The following STAG2 variants were observed in gnomAD, a reference collection of about 807,000 sequenced individuals.
The protein encoded by STAG2 is STAG2 cohesin complex component.
A neutral mutation model predicts 108.1 loss-of-function variants in STAG2; 14 were observed. That is an observed-to-expected ratio of 0.13 (90% CI 0.09 to 0.20). The LOEUF is 0.20. Among genes scored for constraint, STAG2 ranks in the 10% least tolerant of loss-of-function variants. The pLI, the probability that STAG2 is intolerant of heterozygous loss-of-function variation, is 1.00. For missense variants in STAG2, 440 were observed against 940.9 expected (o/e 0.47, Z 6.96); for synonymous variants, 307 against 302.7 (o/e 1.01, Z -0.15).
chrX:124,090,914 G>A lies in STAG2; in HGVS notation c.3528G>A (p.Glu1176=), dbSNP rs1356742526. ...RQQEEARQQQ[E]RAAMSYVKLR... ...AAGAGGAAGCAAGGCAACAGCAGGA[G>A]AGAGCAGCAATGAGCTATGTTAAAC... is the stretch of plus-strand genomic sequence containing the variant. The change falls in exon 32 of 35, where the codon GAG becomes GAA. Residue 1176 remains glutamate, a synonymous_variant. Coordinates refer to ENST00000371145, the MANE Select transcript of STAG2 (RefSeq NM_001042750.2). 1 of 1,209,803 alleles carries A rather than the reference G, an allele frequency of 8.3e-7. No homozygotes were observed. Among genetic ancestry groups the A allele is most frequent in the Non-Finnish European group, 1.1e-6 (1 of 895,004 alleles).
intron 5 of STAG2, 93 bp from the exon 6 acceptor site, chrX:124,037,434 A>G (rs2057553356): frequency 9.8e-6 from 4 of 408,683 alleles, no homozygotes; most frequent in Admixed American, 4.0e-5. Flanking sequence ...ATGTGATACT[A>G]TATAATCTTG....
intron 27 of STAG2, among the ~76,000 whole-genome samples, chrX:124,080,904 CTT>C (rs1252320411): frequency 8.9e-6 from 1 of 111,899 alleles, no homozygotes; most frequent in African/African-American, 3.3e-5. Context: ...AGCACTAAAA[CTT>C]TTTTGTACAT....
At chrX:124,046,844 A>G (rs1174495780) in intron 8 of STAG2, among the ~76,000 whole-genome samples, 1 of 112,216 alleles carries the variant, frequency 8.9e-6, no homozygotes, top group African/African-American at 3.2e-5. Flanking sequence ...GAAAGCAAAT[A>G]CTGATAAAAT....
intron 28 of STAG2, among the ~76,000 whole-genome samples, chrX:124,082,955 A>T (rs1255966483): frequency 5.4e-5 from 6 of 111,360 alleles, no homozygotes; most frequent in Non-Finnish European, 1.1e-4. Context: ...TCGTCACATA[A>T]ATATAGTTAA....
intron 25 of STAG2, among the ~76,000 whole-genome samples, chrX:124,071,640 A>C (rs898817318): frequency 2.7e-5 from 3 of 112,015 alleles, no homozygotes; most frequent in African/African-American, 9.7e-5. Context: ...GCAGGTACTC[A>C]ATAAAATTTA....
At chrX:124,000,980 G>A (rs1423592507) in intron 1 of STAG2, among the ~76,000 whole-genome samples, 1 of 112,186 alleles carries the variant, frequency 8.9e-6, no homozygotes, top group East Asian at 2.8e-4. Flanking sequence ...TTTTTCTACA[G>A]CTGTGCAATA....
chrX:124,049,139 A>G lies in STAG2; in HGVS notation c.893+61A>G, dbSNP rs2057964551. The G allele has an allele frequency of 7.5e-6, 7 of 934,461 alleles. No individual in the cohort carries two copies. In the East Asian group the frequency reaches 1.9e-4, roughly 25 times the overall value. The allele number at this position is 934,461 out of a possible 1,213,427, so 77.0% of individuals were successfully genotyped here. On this transcript the variant is annotated intron_variant, in intron 10 of 34. Coordinates refer to ENST00000371145, the MANE Select transcript of STAG2 (RefSeq NM_001042750.2). ...TGTAATTTCTACTCAGCAAGTTTGC[A>G]TATTTCGTGGTGTAGGGAATCTAAA...
intron 17 of STAG2, among the ~76,000 whole-genome samples, chrX:124,062,685 T>C (rs912267464): frequency 5.4e-5 from 6 of 111,967 alleles, no homozygotes; most frequent in African/African-American, 1.9e-4. Context: ...TATAGGACTA[T>C]CCAAATTTTT....
rs1346387485 is a variant in STAG2 at position 124,054,454 on chromosome X, T to C, written c.1197-1674T>C. ...GTCTGTTAACTGTTGCATTCTTTAA[T>C]TTTTAATTATATTTTAAAATCATAA... On this transcript the variant is annotated intron_variant, in intron 13 of 34. Transcript: ENST00000371145. Among the ~76,000 whole-genome samples, 4 of 112,124 alleles carry C rather than the reference T, an allele frequency of 3.6e-5. No homozygotes were observed. The South Asian group carries it at 1.1e-3, about 31-fold the overall frequency.
At chrX:124,051,630 C>T in intron 13 of STAG2, among the ~76,000 whole-genome samples, 1 of 109,068 alleles carries the variant, frequency 9.2e-6, no homozygotes, top group Middle Eastern at 4.7e-3. Flanking sequence ...TCACTCTGTC[C>T]CCCAGGCTGG....
At chrX:124,001,910 C>A (rs1394135958) in intron 1 of STAG2, among the ~76,000 whole-genome samples, 3 of 111,787 alleles carry the variant, frequency 2.7e-5, no homozygotes, top group South Asian at 3.7e-4. Flanking sequence ...GATATATACT[C>A]CCTTGCAACC....
chrX:124,072,880 T>TTTTC (rs1173440485), intron 25 of STAG2, among the ~76,000 whole-genome samples: 363 of 100,876 alleles, frequency 3.6e-3, no homozygotes, highest in Non-Finnish European at 4.7e-3. Flanking sequence ...TTTCTTTTTT[T>TTTTC]TTTCTTTCTT....
chrX:124,065,936 G>A lies in STAG2; in HGVS notation c.2086G>A (p.Ala696Thr). 8.5e-7 allele frequency: 1 copy of A among 1,171,676 alleles called. No homozygotes were observed. Among genetic ancestry groups the A allele is most frequent in the South Asian group, 2.0e-5 (1 of 49,968 alleles). ...ATTGTCAACATTGAAGAGGATCACT[G>A]CTTTTCATAAGTAAGTTGAATTTTG... The part of the protein sequence containing the change: ...QVLSTLKRIT[A>T]FHNAHDLSKW... The change falls in exon 21 of 35, where the codon GCT (alanine) becomes ACT (threonine). Residue 696 changes from alanine (A) to threonine (T), a missense_variant. Coordinates refer to ENST00000371145, the MANE Select transcript of STAG2 (RefSeq NM_001042750.2).
At chrX:124,096,044 G>A (rs747669108) in intron 34 of STAG2, among the ~76,000 whole-genome samples, 13 of 110,271 alleles carry the variant, frequency 1.2e-4, no homozygotes, top group Non-Finnish European at 2.5e-4. Context: ...GTCCTCCTCA[G>A]TTTTCACATG....
chrX:123,982,901 G>C (rs2054957557), intron 1 of STAG2, among the ~76,000 whole-genome samples: 1 of 109,991 alleles, frequency 9.1e-6, no homozygotes, highest in Non-Finnish European at 1.9e-5. Context: ...ATTGTGTCCA[G>C]CAGTTGGAAT....
intron 4 of STAG2, among the ~76,000 whole-genome samples, chrX:124,029,004 TATATATA>T (rs1569507178): frequency 1.2e-3 from 116 of 98,723 alleles, no homozygotes; most frequent in African/African-American, 4.1e-3. Flanking sequence ...TATATATATA[TATATATA>T]TATTTATTTA....
intron 1 of STAG2, among the ~76,000 whole-genome samples, chrX:123,982,765 C>CTTT (rs10707101): frequency 2.0e-5 from 1 of 50,007 alleles, no homozygotes; most frequent in African/African-American, 7.4e-5. Flanking sequence ...TTTTTTTGCC[C>CTTT]TTTTTTTTTT....
At chrX:123,991,583 C>T (rs1167504260) in intron 1 of STAG2, among the ~76,000 whole-genome samples, 5 of 111,471 alleles carry the variant, frequency 4.5e-5, no homozygotes, top group African/African-American at 9.8e-5. Context: ...GAACTCCTGA[C>T]CTCAGGTGAT....
At chrX:123,992,275 T>C (rs2147772323) in intron 1 of STAG2, among the ~76,000 whole-genome samples, 1 of 111,741 alleles carries the variant, frequency 8.9e-6, no homozygotes, top group South Asian at 3.7e-4. Context: ...AATTCAGCAT[T>C]AAAATCCTTA....
Sources: gnomAD v4.1 joint callset for allele counts (sites outside exome capture counted in the v4.1 genomes callset) on GRCh38, gnomAD v4.1.1 for gene constraint, MANE v1.5 for transcripts, NCBI Gene and HGNC (gene_info 2026-07-23, HGNC 2026-07-21) for gene names.